The following PLCB4 variants were observed in gnomAD, a reference collection of about 807,000 sequenced individuals.
PLCB4 encodes phospholipase C beta 4.
In PLCB4, 77 loss-of-function variants were observed where a neutral mutation model predicts 178.8. The observed-to-expected ratio is 0.43, with a 90% CI of 0.36 to 0.52. PLCB4 has a LOEUF of 0.52. Among genes scored for constraint, PLCB4 ranks in the 20% least tolerant of loss-of-function variants. PLCB4 has a pLI of 0.00. For missense variants in PLCB4, 1,024 were observed against 1,453.4 expected (o/e 0.70, Z 4.80); for synonymous variants, 496 against 490.8 (o/e 1.01, Z -0.14).
intron 12 of PLCB4, among the ~76,000 whole-genome samples, chr20:9,379,362 T>C (rs2036943646): frequency 6.6e-6 from 1 of 152,186 alleles, no homozygotes; most frequent in Admixed American, 6.5e-5. Context: ...AAAACAATAA[T>C]GTCACCAACC....
At chr20:9,191,552 C>A (rs866147443) in intron 2 of PLCB4, among the ~76,000 whole-genome samples, 4 of 151,970 alleles carry the variant, frequency 2.6e-5, no homozygotes, top group South Asian at 4.2e-4. Context: ...ATTATAGAAT[C>A]ATGAACAGAC....
chr20:9,307,371 G>A (rs1314531001), intron 3 of PLCB4, among the ~76,000 whole-genome samples: 1 of 152,026 alleles, frequency 6.6e-6, no homozygotes, highest in African/African-American at 2.4e-5. Flanking sequence ...GGCTCCTCCT[G>A]CCCATATGTT....
At chr20:9,257,743 A>G (rs185239066) in intron 3 of PLCB4, among the ~76,000 whole-genome samples, 1 of 152,360 alleles carries the variant, frequency 6.6e-6, no homozygotes, top group Admixed American at 6.5e-5. Context: ...ACCAGAATCA[A>G]CAGTATTGGG....
intron 3 of PLCB4, among the ~76,000 whole-genome samples, chr20:9,254,527 G>C (rs2094214050): frequency 6.6e-6 from 1 of 151,982 alleles, no homozygotes; most frequent in Non-Finnish European, 1.5e-5. Flanking sequence ...GTGAAACTCT[G>C]TCTCTACTAA....
chr20:9,167,187 CAG>C (rs1406577904), intron 2 of PLCB4, among the ~76,000 whole-genome samples: 2 of 151,552 alleles, frequency 1.3e-5, no homozygotes, highest in African/African-American at 2.4e-5. Flanking sequence ...TGTGTGGGGA[CAG>C]GGGATATATG....
At chr20:9,229,772 G>A (rs528616116) in intron 3 of PLCB4, among the ~76,000 whole-genome samples, 24 of 152,078 alleles carry the variant, frequency 1.6e-4, no homozygotes, top group African/African-American at 4.8e-4. Flanking sequence ...ATGTGCCATG[G>A]TGGTTTGCTG....
chr20:9,163,303 A>G (rs2092919237), intron 2 of PLCB4, among the ~76,000 whole-genome samples: 1 of 152,248 alleles, frequency 6.6e-6, no homozygotes, highest in South Asian at 2.1e-4. Context: ...CTAAAAGTAG[A>G]GAATGGCTAA....
intron 4 of PLCB4, among the ~76,000 whole-genome samples, chr20:9,336,395 T>C (rs945005295): frequency 1.3e-5 from 2 of 152,204 alleles, no homozygotes; most frequent in African/African-American, 4.8e-5. Flanking sequence ...TAATATTGCT[T>C]CTTCATTCAA....
chr20:9,196,869 G>C (rs147089249), intron 2 of PLCB4, among the ~76,000 whole-genome samples: 2 of 152,300 alleles, frequency 1.3e-5, no homozygotes, highest in African/African-American at 4.8e-5. Context: ...TAGATTTCAA[G>C]ATGAGAGCTA....
At chr20:9,275,470 A>T (rs2094442552) in intron 3 of PLCB4, among the ~76,000 whole-genome samples, 1 of 152,026 alleles carries the variant, frequency 6.6e-6, no homozygotes, top group African/African-American at 2.4e-5. Context: ...AACAAGTGGC[A>T]TATTATCAAA....
intron 4 of PLCB4, among the ~76,000 whole-genome samples, chr20:9,315,360 T>A (rs1352777818): frequency 6.6e-6 from 1 of 152,182 alleles, no homozygotes; most frequent in African/African-American, 2.4e-5. Context: ...GAACCACTGC[T>A]CTAGAAGGCT....
chr20:9,327,785 AT>A (rs1269353228), intron 4 of PLCB4, among the ~76,000 whole-genome samples: 2 of 152,138 alleles, frequency 1.3e-5, no homozygotes, highest in Admixed American at 6.6e-5. Flanking sequence ...CGAAAAAAAA[AT>A]AATAATAAAA....
At chr20:9,187,456 C>T (rs530779911) in intron 2 of PLCB4, among the ~76,000 whole-genome samples, 39 of 152,268 alleles carry the variant, frequency 2.6e-4, no homozygotes, top group African/African-American at 7.5e-4. Flanking sequence ...TCGTGGTGTG[C>T]GTTGCTTCAT....
At position 9,419,876 on chromosome 20, in the gene PLCB4, T is replaced by C. The variant is rs1216364530; in HGVS notation, c.2121T>C (p.Val707=). ...TTGACCCCTTCTCTGAAACTCCTGT[T>C]GATGGTGTTATTGCAGCCACTTGCT... is the stretch of plus-strand genomic sequence containing the variant. ...RTFDPFSETP[V]DGVIAATCSV... is the part of the protein sequence containing the mutation. Residue 707 remains valine, a synonymous_variant, in exon 26 of 40, where the codon GTT becomes GTC. Transcript: ENST00000378473. 3 of 1,613,870 alleles carry C rather than the reference T, an allele frequency of 1.9e-6. No individual in the cohort carries two copies. Among genetic ancestry groups the C allele is most frequent in the Non-Finnish European group, 2.5e-6 (3 of 1,179,840 alleles).
At chr20:9,371,114 T>C (rs2036217743) in intron 9 of PLCB4, 100 bp from the exon 10 acceptor site, 2 of 776,668 alleles carry the variant, frequency 2.6e-6, no homozygotes, top group Non-Finnish European at 4.6e-6. Flanking sequence ...CTCTTCCTTT[T>C]ACCCTAGTCT....
chr20:9,270,869 A>G (rs561865832), intron 3 of PLCB4, among the ~76,000 whole-genome samples: 3 of 152,244 alleles, frequency 2.0e-5, no homozygotes, highest in Admixed American at 2.0e-4. Flanking sequence ...GTTGATTTCC[A>G]TACTATCATG....
chr20:9,143,248 G>A (rs761325666), intron 2 of PLCB4, among the ~76,000 whole-genome samples: 6 of 152,078 alleles, frequency 3.9e-5, no homozygotes, highest in Non-Finnish European at 7.4e-5. Context: ...TAAAATTGAA[G>A]TTCCATGACA....
At chr20:9,185,501 C>A (rs916908048) in intron 2 of PLCB4, among the ~76,000 whole-genome samples, 1 of 152,118 alleles carries the variant, frequency 6.6e-6, no homozygotes, top group Non-Finnish European at 1.5e-5. Flanking sequence ...GGTTCTCTTT[C>A]ACCTGGATGA....
At chr20:9,152,250 G>C (rs1188980082) in intron 2 of PLCB4, among the ~76,000 whole-genome samples, 2 of 152,166 alleles carry the variant, frequency 1.3e-5, no homozygotes, top group African/African-American at 2.4e-5. Context: ...TGCATAAGTA[G>C]CAAGGAGCCT....
Sources: gnomAD v4.1 joint callset for allele counts (sites outside exome capture counted in the v4.1 genomes callset) on GRCh38, gnomAD v4.1.1 for gene constraint, MANE v1.5 for transcripts, NCBI Gene and HGNC (gene_info 2026-07-23, HGNC 2026-07-21) for gene names.